The following GRM7 variants were observed in gnomAD, a reference collection of about 807,000 sequenced individuals.
The protein encoded by GRM7 is glutamate metabotropic receptor 7, also known as metabotropic glutamate receptor 7.
A neutral mutation model predicts 84.5 loss-of-function variants in GRM7; 35 were observed. That is an observed-to-expected ratio of 0.41 (90% confidence interval 0.32 to 0.55). The LOEUF is 0.55. Ranked by LOEUF, GRM7 falls within the 20% of genes least tolerant of loss-of-function variation. The pLI, the probability that GRM7 is intolerant of heterozygous loss-of-function variation, is 0.19. For missense variants in GRM7, 1,003 were observed against 1,194.6 expected (o/e 0.84, Z 2.36); for synonymous variants, 487 against 455.1 (o/e 1.07, Z -0.89).
chr3:7,092,535 CAG>C (rs1321472887), intron 1 of GRM7, among the ~76,000 whole-genome samples: 4 of 151,204 alleles, frequency 2.6e-5, no homozygotes, highest in Non-Finnish European at 4.4e-5. Flanking sequence ...AGTGAGTATT[CAG>C]AGTTAGGTCT....
chr3:7,545,155 T>A (rs2125019230), intron 7 of GRM7, among the ~76,000 whole-genome samples: 1 of 152,308 alleles, frequency 6.6e-6, no homozygotes, highest in African/African-American at 2.4e-5. Flanking sequence ...AAGTAGAAAA[T>A]ATATATTTGC....
intron 1 of GRM7, among the ~76,000 whole-genome samples, chr3:6,992,590 G>C (rs140116841): frequency 0.011 from 1,637 of 152,250 alleles, 24 homozygotes; most frequent in African/African-American, 0.037. Flanking sequence ...GATGAGACTA[G>C]CAATTAAAGA....
At chr3:6,997,901 C>G (rs1276142835) in intron 1 of GRM7, among the ~76,000 whole-genome samples, 1 of 151,740 alleles carries the variant, frequency 6.6e-6, no homozygotes, top group Admixed American at 6.6e-5. Context: ...GGGCAGATCA[C>G]CTAAGGTCAT....
chr3:7,035,489 C>T (rs1696354934), intron 1 of GRM7, among the ~76,000 whole-genome samples: 1 of 152,060 alleles, frequency 6.6e-6, no homozygotes, highest in African/African-American at 2.4e-5. Context: ...TATTTCAAGG[C>T]CTATACAAAG....
At chr3:6,963,941 T>A (rs551953136) in intron 1 of GRM7, among the ~76,000 whole-genome samples, 1 of 152,200 alleles carries the variant, frequency 6.6e-6, no homozygotes, top group Non-Finnish European at 1.5e-5. Context: ...TTTGACACTT[T>A]AATGCCTTCA....
Position 7,031,106 on chromosome 3 carries a change from G to A in GRM7, c.520-115346G>A, listed in dbSNP as rs374641240. On this transcript the variant is annotated intron_variant, in intron 1 of 9. Transcript: ENST00000357716. ...AGAAAAAAAGTGTGAAATAAATACC[G>A]TTCTCCTCATTTTACAAATGTAAAG... is the stretch of plus-strand genomic sequence containing the variant. 4.3e-3 allele frequency among the ~76,000 whole-genome samples: 658 copies of A among 152,096 alleles called. 6 individuals carry two copies. Among genetic ancestry groups the A allele is most frequent in the African/African-American group, 0.015 (631 of 41,508 alleles).
At chr3:7,138,192 C>G (rs115831277) in intron 1 of GRM7, among the ~76,000 whole-genome samples, 1,914 of 151,890 alleles carry the variant, frequency 0.013, 23 homozygotes, top group Non-Finnish European at 0.017. Flanking sequence ...AAGTCCTAGC[C>G]CATAACAGAT....
At chr3:6,964,356 G>C (rs1693418695) in intron 1 of GRM7, among the ~76,000 whole-genome samples, 1 of 152,126 alleles carries the variant, frequency 6.6e-6, no homozygotes, top group Non-Finnish European at 1.5e-5. Context: ...GGTGGAAAGA[G>C]AGTTAGTTAG....
chr3:7,535,576 T>G (rs1701210381), intron 7 of GRM7, among the ~76,000 whole-genome samples: 1 of 152,200 alleles, frequency 6.6e-6, no homozygotes, highest in African/African-American at 2.4e-5. Flanking sequence ...AATTACTGCC[T>G]TTGCAGTATT....
chr3:7,685,534 G>T (rs1700547455), intron 9 of GRM7, among the ~76,000 whole-genome samples: 1 of 152,100 alleles, frequency 6.6e-6, no homozygotes, highest in Admixed American at 6.5e-5. Context: ...CTGGGATAGA[G>T]ACTGGACATA....
chr3:7,082,271 T>C (rs750043151), intron 1 of GRM7, among the ~76,000 whole-genome samples: 7 of 152,102 alleles, frequency 4.6e-5, no homozygotes, highest in Non-Finnish European at 1.0e-4. Context: ...TCATTTACCA[T>C]TTTGAAAATC....
At chr3:7,065,591 A>C (rs1574855288) in intron 1 of GRM7, among the ~76,000 whole-genome samples, 1 of 152,060 alleles carries the variant, frequency 6.6e-6, no homozygotes, top group Middle Eastern at 3.4e-3. Context: ...TGGTGACTAT[A>C]GCCTTATAGT....
intron 8 of GRM7, among the ~76,000 whole-genome samples, chr3:7,587,182 C>T (rs931354281): frequency 6.6e-6 from 1 of 152,158 alleles, no homozygotes; most frequent in East Asian, 1.9e-4. Context: ...TACAGAAACC[C>T]TTCTCTTTCT....
chr3:7,205,700 C>T (rs1404901728), intron 2 of GRM7, among the ~76,000 whole-genome samples: 1 of 152,116 alleles, frequency 6.6e-6, no homozygotes, highest in African/African-American at 2.4e-5. Context: ...TGATTCACCA[C>T]GGGGAAGCAG....
intron 2 of GRM7, among the ~76,000 whole-genome samples, chr3:7,217,144 T>G (rs1696641642): frequency 6.6e-6 from 1 of 152,166 alleles, no homozygotes; most frequent in Non-Finnish European, 1.5e-5. Context: ...GGAGCTAATT[T>G]GAAAGAGGAG....
chr3:7,161,182 G>A (rs1415337319), intron 2 of GRM7, among the ~76,000 whole-genome samples: 1 of 151,916 alleles, frequency 6.6e-6, no homozygotes, highest in African/African-American at 2.4e-5. Flanking sequence ...TTACTGTACA[G>A]TTCACTTTTC....
chr3:6,962,599 C>G (rs1230568961), intron 1 of GRM7, among the ~76,000 whole-genome samples: 1 of 152,128 alleles, frequency 6.6e-6, no homozygotes, highest in Non-Finnish European at 1.5e-5. Context: ...TTATTCCTAT[C>G]AGTGACACAA....
chr3:6,918,872 G>A (rs1697028341), intron 1 of GRM7, among the ~76,000 whole-genome samples: 2 of 152,302 alleles, frequency 1.3e-5, no homozygotes, highest in South Asian at 2.1e-4. Context: ...CAAATCTAGA[G>A]AATGGATTGA....
chr3:7,713,118 TGTTTTG>T (rs377291875), intron 9 of GRM7, among the ~76,000 whole-genome samples: 139 of 132,532 alleles, frequency 1.0e-3, no homozygotes, highest in African/African-American at 2.1e-3. Context: ...ATTCGAATTT[TGTTTTG>T]TTTTTTTTTT....
Sources: gnomAD v4.1 joint callset for allele counts (sites outside exome capture counted in the v4.1 genomes callset) on GRCh38, gnomAD v4.1.1 for gene constraint, MANE v1.5 for transcripts, NCBI Gene and HGNC (gene_info 2026-07-23, HGNC 2026-07-21) for gene names.